Variants in KCNU1 observed in about 807,000 individuals in gnomAD.
KCNU1 encodes the protein potassium channel subfamily U member 1.
Under a neutral mutation model 126.8 loss-of-function variants are expected in KCNU1, and 93 were observed. The observed-to-expected ratio is 0.73, with a 90% CI of 0.62 to 0.87. KCNU1 has a LOEUF of 0.87. KCNU1 is among the 40% of genes least tolerant of loss of function. The probability of loss-of-function intolerance (pLI) is 0.00; values close to 1 mark genes in which losing one functional copy is unlikely to be tolerated. For synonymous variants in KCNU1, 523 were observed against 494.2 expected (o/e 1.06, Z -0.77); for missense variants, 1,330 against 1,367.1 (o/e 0.97, Z 0.43).
intron 22 of KCNU1, among the ~76,000 whole-genome samples, chr8:36,912,838 C>T (rs911868641): frequency 1.3e-5 from 2 of 151,026 alleles, no homozygotes; most frequent in Non-Finnish European, 2.9e-5. Flanking sequence ...TGTGGTGGCG[C>T]ACGCCTGTAA....
chr8:36,791,912 T>C (rs977914417), intron 2 of KCNU1, among the ~76,000 whole-genome samples: 2 of 152,190 alleles, frequency 1.3e-5, no homozygotes, highest in Non-Finnish European at 2.9e-5. Context: ...ATATTTTATA[T>C]TGAATATACC....
chr8:36,877,448 G>A (rs2211725), intron 19 of KCNU1, among the ~76,000 whole-genome samples: 52,639 of 151,290 alleles, frequency 0.35, 9,822 homozygotes, highest in Admixed American at 0.42. Flanking sequence ...GATTACAGGC[G>A]CCCACCACCA....
intron 7 of KCNU1, among the ~76,000 whole-genome samples, chr8:36,811,316 T>C (rs1803701610): frequency 6.6e-6 from 1 of 152,042 alleles, no homozygotes; most frequent in East Asian, 1.9e-4. Context: ...AATTATTAAT[T>C]CTAATCATAT....
chr8:36,845,605 C>G lies in KCNU1; in HGVS notation c.1729C>G (p.Gln577Glu), dbSNP rs1432438111. 2 of 1,608,376 alleles carry G rather than the reference C, an allele frequency of 1.2e-6. No individual in the cohort carries two copies. Among genetic ancestry groups the G allele is most frequent in the Non-Finnish European group, 1.7e-6 (2 of 1,175,010 alleles). Reference protein sequence around the residue: ...FCGLILNPPPQVRIRKNTLGF... With the variant: ...FCGLILNPPPEVRIRKNTLGF... ...TGGTCTGATACTAAATCCACCTCCACAAGTGAGGATACGTAAGAACACATT... is the reference window on the plus strand; with the variant it reads ...TGGTCTGATACTAAATCCACCTCCAGAAGTGAGGATACGTAAGAACACATT... Residue 577 changes from glutamine to glutamate, a missense_variant, in exon 17 of 27, where the codon CAA becomes GAA. Physicochemically the swap from Gln to Glu is conservative, Grantham distance 29. Transcript: ENST00000399881.
At chr8:36,830,749 T>C (rs989847903) in intron 10 of KCNU1, among the ~76,000 whole-genome samples, 2 of 151,600 alleles carry the variant, frequency 1.3e-5, no homozygotes, top group African/African-American at 2.4e-5. Context: ...ATTTTTTTCT[T>C]TTTTTTAATT....
intron 2 of KCNU1, among the ~76,000 whole-genome samples, chr8:36,793,846 G>C (rs987618334): frequency 4.6e-5 from 7 of 151,982 alleles, no homozygotes; most frequent in Admixed American, 4.6e-4. Flanking sequence ...ATGAGGTCAG[G>C]AGTTTGAGAC....
Position 36,814,303 on chromosome 8 carries a change from G to C in KCNU1, c.829G>C (p.Val277Leu). The change falls in exon 8 of 27, where the codon GTT becomes CTT. Residue 277 changes from valine (V) to leucine (L), a missense_variant. By Grantham distance (32) the Val-to-Leu change is conservative (BLOSUM62 1). Transcript: ENST00000399881. ...CCTGGTCATGGCAACAACGTCAACC[G>C]TTGGATTTGGAGATGTGGTAGCCAA... is the stretch of plus-strand genomic sequence containing the variant. The part of the protein sequence containing the change: ...IYLVMATTST[V>L]GFGDVVAKTS... 1 of 1,612,522 alleles carries C rather than the reference G, an allele frequency of 6.2e-7. No homozygotes were observed. Among genetic ancestry groups the C allele is most frequent in the Non-Finnish European group, 8.5e-7 (1 of 1,178,974 alleles).
At chr8:36,891,624 T>C (rs1345515654) in intron 19 of KCNU1, among the ~76,000 whole-genome samples, 1 of 152,120 alleles carries the variant, frequency 6.6e-6, no homozygotes, top group Non-Finnish European at 1.5e-5. Context: ...GTAATACTCT[T>C]TAGTATCGTT....
chr8:36,809,622 G>A (rs1466752998), intron 7 of KCNU1, among the ~76,000 whole-genome samples: 1 of 152,282 alleles, frequency 6.6e-6, no homozygotes, highest in African/African-American at 2.4e-5. Context: ...CACTCAGGAA[G>A]GAGAGAGATT....
At chr8:36,811,457 T>C (rs1803709455) in intron 7 of KCNU1, among the ~76,000 whole-genome samples, 1 of 152,162 alleles carries the variant, frequency 6.6e-6, no homozygotes, top group African/African-American at 2.4e-5. Flanking sequence ...CAGAAGATGA[T>C]ACAGCAGTGT....
intron 19 of KCNU1, among the ~76,000 whole-genome samples, chr8:36,881,692 C>T (rs2076708541): frequency 6.6e-6 from 1 of 151,986 alleles, no homozygotes; most frequent in African/African-American, 2.4e-5. Context: ...TCATTGCTCA[C>T]CATCTTGAGA....
rs993771714 is a variant in KCNU1 at position 36,826,473 on chromosome 8, G to C, written c.1107-7081G>C. Among the ~76,000 whole-genome samples, 6 of 152,262 alleles carry C rather than the reference G, an allele frequency of 3.9e-5. No individual in the cohort carries two copies. In the East Asian group the frequency reaches 9.7e-4, roughly 25 times the overall value. ...AATCTGCCCACCTTGGCCTCCCAAA[G>C]TGCTGGGATTACAGGTGTGAGCCAC... is the stretch of plus-strand genomic sequence containing the variant. On this transcript the variant is annotated intron_variant, in intron 10 of 26. Transcript: ENST00000399881.
chr8:36,802,607 G>A (rs1396586817), intron 2 of KCNU1, among the ~76,000 whole-genome samples: 2 of 152,112 alleles, frequency 1.3e-5, no homozygotes, highest in Non-Finnish European at 2.9e-5. Flanking sequence ...AAATAGGAGG[G>A]TGAGAAGTAG....
At chr8:36,889,299 A>T in intron 19 of KCNU1, 1 of 525,356 alleles carries the variant, frequency 1.9e-6, no homozygotes, top group Non-Finnish European at 3.9e-6. Flanking sequence ...TTTAGAAATT[A>T]AAAGATGTTA....
At chr8:36,863,915 G>A (rs370321395) in intron 18 of KCNU1, among the ~76,000 whole-genome samples, 5 of 152,068 alleles carry the variant, frequency 3.3e-5, no homozygotes, top group African/African-American at 9.7e-5. Flanking sequence ...GTTTTGATAT[G>A]CATTTACTGT....
At chr8:36,864,281 G>A (rs922680745) in intron 18 of KCNU1, 123 bp from the exon 19 acceptor site, 4 of 679,902 alleles carry the variant, frequency 5.9e-6, no homozygotes, top group Admixed American at 2.2e-5. Context: ...GAACTAGGCT[G>A]TAGCTGAGAC....
At chr8:36,885,601 T>C (rs1806667591) in intron 19 of KCNU1, among the ~76,000 whole-genome samples, 1 of 151,986 alleles carries the variant, frequency 6.6e-6, no homozygotes. Context: ...GAGACCAGCC[T>C]GGCCAACATG....
Position 36,932,905 on chromosome 8 carries a change from C to T in KCNU1, c.2932-15C>T. On this transcript the variant is annotated splice_polypyrimidine_tract_variant and intron_variant, in intron 25 of 26. Transcript: ENST00000399881. ...AAGTGCCCAGCAGACATATTTTTGT[C>T]TCTTCTCTCCCCAGCCAAGAAACAC... 1 of 1,471,186 alleles carries T rather than the reference C, an allele frequency of 6.8e-7. No individual in the cohort carries two copies. Among genetic ancestry groups the T allele is most frequent in the East Asian group, 2.4e-5 (1 of 41,282 alleles). The allele number at this position is 1,471,186 out of a possible 1,614,324, so 91.1% of individuals were successfully genotyped here.
At chr8:36,830,909 TC>T (rs1328339731) in intron 10 of KCNU1, among the ~76,000 whole-genome samples, 1 of 67,542 alleles carries the variant, frequency 1.5e-5, no homozygotes, top group Non-Finnish European at 2.7e-5. Flanking sequence ...CCCTCCCCCC[TC>T]CCCCCACCCC....
Sources: gnomAD v4.1 joint callset for allele counts (sites outside exome capture counted in the v4.1 genomes callset) on GRCh38, gnomAD v4.1.1 for gene constraint, MANE v1.5 for transcripts, NCBI Gene and HGNC (gene_info 2026-07-23, HGNC 2026-07-21) for gene names.